ATP2B2: variants seen among roughly 807,000 people sequenced by gnomAD.
ATP2B2 encodes the protein ATPase plasma membrane Ca2+ transporting 2.
In ATP2B2, 15 loss-of-function variants were observed where a neutral mutation model predicts 120.0. The observed-to-expected ratio is 0.12, with a 90% CI of 0.08 to 0.19. ATP2B2 has a LOEUF of 0.19. ATP2B2 is among the 10% of genes least tolerant of loss of function. The pLI is 1.00. For synonymous variants in ATP2B2, 694 were observed against 700.3 expected (o/e 0.99, Z 0.14); for missense variants, 1,045 against 1,719.8 (o/e 0.61, Z 6.94).
chr3:10,378,363 T>A lies in ATP2B2; in HGVS notation c.1090A>T (p.Ser364Cys). 1 of 1,605,842 alleles carries A rather than the reference T, an allele frequency of 6.2e-7. No homozygotes were observed. The highest frequency in any genetic ancestry group is 8.5e-7 in the Non-Finnish European group (1 of 1,180,002). ...AAAMEMQPLK[S>C]AEGGDADDRK... is the part of the protein sequence containing the mutation. ...TCGTCAGCGTCGCCGCCCTCGGCACTCTTGAGGGGCTGCATCTCCATGGCG... is the reference window on the plus strand; with the variant it reads ...TCGTCAGCGTCGCCGCCCTCGGCACACTTGAGGGGCTGCATCTCCATGGCG... The change falls in exon 10 of 23, where the codon AGT becomes TGT. Residue 364 changes from serine (S) to cysteine (C), a missense_variant. Ser to Cys is a moderately radical substitution (Grantham distance 112). Transcript: ENST00000360273.
At chr3:10,571,600 C>T (rs1309891829) in intron 2 of ATP2B2, among the ~76,000 whole-genome samples, 1 of 152,204 alleles carries the variant, frequency 6.6e-6, no homozygotes, top group East Asian at 1.9e-4. Context: ...TAAGCTCAGC[C>T]AGGCTACTCA....
At chr3:10,471,527 A>C (rs529840088) in intron 1 of ATP2B2, among the ~76,000 whole-genome samples, 21 of 151,966 alleles carry the variant, frequency 1.4e-4, no homozygotes, top group Non-Finnish European at 2.6e-4. Flanking sequence ...AAGGAAAGAC[A>C]CAGTCAGGCA....
At chr3:10,676,593 T>G (rs1421908518) in intron 1 of ATP2B2, among the ~76,000 whole-genome samples, 4 of 152,142 alleles carry the variant, frequency 2.6e-5, no homozygotes, top group Non-Finnish European at 5.9e-5. Context: ...GGAGACAATT[T>G]GACTTCATAT....
intron 1 of ATP2B2, among the ~76,000 whole-genome samples, chr3:10,464,533 T>C (rs2125249917): frequency 6.6e-6 from 1 of 152,306 alleles, no homozygotes; most frequent in South Asian, 2.1e-4. Flanking sequence ...CTATCTGGAA[T>C]GCCCTCTCCT....
rs984132536 is a variant in ATP2B2, at chr3:10,325,150, C to G, written c.*3664G>C. 6.6e-6 allele frequency: 1 copy of G among 150,966 alleles called. No homozygotes were observed. The highest frequency in any genetic ancestry group is 2.4e-5 in the African/African-American group (1 of 40,868). The allele number at this position is 150,966 out of a possible 1,614,324, so 9.4% of individuals were successfully genotyped here. A position where few individuals can be genotyped will look rare whatever the true frequency, so the allele number is the denominator to read the frequency against. ...AGTCTATTTCACAGCCCTGAGTGGA[C>G]AGTAATTACAATGGGGGGAAGATGA... On this transcript the variant is annotated 3_prime_UTR_variant, in exon 23 of 23. Coordinates refer to ENST00000360273, the MANE Select transcript of ATP2B2 (RefSeq NM_001001331.4).
intron 2 of ATP2B2, among the ~76,000 whole-genome samples, chr3:10,439,409 A>C (rs1297034612): frequency 6.6e-6 from 1 of 152,086 alleles, no homozygotes; most frequent in Non-Finnish European, 1.5e-5. Context: ...TGGACTGAGC[A>C]CCCTTTTCCT....
chr3:10,374,894 G>A (rs190784691), intron 11 of ATP2B2, among the ~76,000 whole-genome samples: 1 of 152,188 alleles, frequency 6.6e-6, no homozygotes, highest in East Asian at 1.9e-4. Context: ...CTTCCTTTTT[G>A]TTTTTGGCTT....
Position 10,347,609 on chromosome 3 carries a change from G to A in ATP2B2, c.2405-1472C>T, listed in dbSNP as rs892625088. 9.2e-5 allele frequency among the ~76,000 whole-genome samples: 14 copies of A among 152,162 alleles called. 1 individual carries two copies. Among genetic ancestry groups the A allele is most frequent in the East Asian group, 1.9e-4 (1 of 5,190 alleles). ...CTGTCGGTGACCCCTCAGTTCCACC[G>A]TCCTGGACTCAGCCTCCCCAAGCTT... On this transcript the variant is annotated intron_variant, in intron 16 of 22. Transcript: ENST00000360273. This position sits in a 1 kb window ranked among gnomAD's most constrained non-coding sequence, Gnocchi z 5.2.
In ATP2B2 at chr3:10,347,560, T is replaced by A. The variant is rs993472598; in HGVS notation, c.2405-1423A>T. 6.6e-6 allele frequency among the ~76,000 whole-genome samples: 1 copy of A among 152,188 alleles called. No individual in the cohort carries two copies. The highest frequency in any genetic ancestry group is 1.5e-5 in the Non-Finnish European group (1 of 68,006). ...GCTGCAGTGCCGTGTGTTCTGGGAATCGTTCTGGGCTGCTCCCACCCAGCT... is the reference window on the plus strand; with the variant it reads ...GCTGCAGTGCCGTGTGTTCTGGGAAACGTTCTGGGCTGCTCCCACCCAGCT... On this transcript the variant is annotated intron_variant, in intron 16 of 22. Transcript: ENST00000360273. This position sits in a 1 kb window ranked among gnomAD's most constrained non-coding sequence, Gnocchi z 5.2.
chr3:10,646,347 T>C (rs2070320714), intron 1 of ATP2B2, among the ~76,000 whole-genome samples: 1 of 152,132 alleles, frequency 6.6e-6, no homozygotes, highest in African/African-American at 2.4e-5. Flanking sequence ...CTTTCCTCTC[T>C]TCCTGTCCCA....
At chr3:10,430,411 G>C (rs1016289327) in intron 2 of ATP2B2, among the ~76,000 whole-genome samples, 2 of 152,222 alleles carry the variant, frequency 1.3e-5, no homozygotes, top group African/African-American at 4.8e-5. Flanking sequence ...ACATGAAAAG[G>C]AGTTTAAAGG....
At chr3:10,422,504 AGGTGG>A (rs2063015491) in intron 2 of ATP2B2, among the ~76,000 whole-genome samples, 1 of 152,280 alleles carries the variant, frequency 6.6e-6, no homozygotes, top group East Asian at 1.9e-4. Flanking sequence ...TAGTGGTCCT[AGGTGG>A]GGTTTCCTAT....
Position 10,346,722 on chromosome 3 carries a change from G to A in ATP2B2, c.2405-585C>T, listed in dbSNP as rs555417180. On this transcript the variant is annotated intron_variant, in intron 16 of 22. Transcript: ENST00000360273. This position sits in a 1 kb window ranked among gnomAD's most constrained non-coding sequence, Gnocchi z 4.1. ...GGCCCCAGTCACTGAGCTGGGGCCA[G>A]TGGAAAAGGGTGGGTGAAGGATGTC... Among the ~76,000 whole-genome samples the A allele has an allele frequency of 2.2e-4, 34 of 152,332 alleles. No homozygotes were observed. The highest frequency in any genetic ancestry group is 7.2e-4 in the Admixed American group (11 of 15,308).
intron 1 of ATP2B2, among the ~76,000 whole-genome samples, chr3:10,621,894 C>T (rs1350746157): frequency 1.3e-5 from 2 of 152,244 alleles, no homozygotes; most frequent in Non-Finnish European, 2.9e-5. Context: ...AGGCTGTGCT[C>T]CCGGGCTGGC....
intron 1 of ATP2B2, among the ~76,000 whole-genome samples, chr3:10,458,833 G>A (rs688331): frequency 0.88 from 134,460 of 152,266 alleles, 59,536 homozygotes; most frequent in Middle Eastern, 0.91. Flanking sequence ...CATAGTTTCA[G>A]TATGTCTTCT....
intron 1 of ATP2B2, among the ~76,000 whole-genome samples, chr3:10,704,259 T>C (rs1340555113): frequency 1.3e-5 from 2 of 152,326 alleles, no homozygotes; most frequent in South Asian, 2.1e-4. Flanking sequence ...AGGACTGCCA[T>C]GAAAATAGAT....
In ATP2B2 at chr3:10,360,914, C is replaced by T. The variant is rs996346485; in HGVS notation, c.1660-791G>A. On this transcript the variant is annotated intron_variant, in intron 12 of 22. Transcript: ENST00000360273. ...CCTTTTTTTAAAGCTATGGTCACCT[C>T]TCTCTTCCCCCGACTCCCTGGCCAT... Among the ~76,000 whole-genome samples, 5 of 152,198 alleles carry T rather than the reference C, an allele frequency of 3.3e-5. No homozygotes were observed. In the East Asian group the frequency reaches 5.8e-4, roughly 18 times the overall value.
chr3:10,438,483 C>T (rs989908129), intron 2 of ATP2B2, among the ~76,000 whole-genome samples: 8 of 152,232 alleles, frequency 5.3e-5, no homozygotes, highest in South Asian at 2.1e-4. Flanking sequence ...CACTCTCCTC[C>T]GACCTCTGAC....
At chr3:10,355,092 T>C (rs1559550715) in intron 14 of ATP2B2, among the ~76,000 whole-genome samples, 1 of 151,848 alleles carries the variant, frequency 6.6e-6, no homozygotes, top group Non-Finnish European at 1.5e-5. Flanking sequence ...AACAAACAAA[T>C]AAACAAAGCC....
Sources: allele counts gnomAD v4.1 joint callset (sites outside exome capture counted in the v4.1 genomes callset), GRCh38; gene constraint gnomAD v4.1.1; non-coding constraint Gnocchi (gnomAD v3.1); transcripts MANE v1.5; gene names NCBI Gene and HGNC (gene_info 2026-07-23, HGNC 2026-07-21).